The following TOR1A variants were observed in gnomAD, a reference collection of about 807,000 sequenced individuals.
TOR1A encodes torsin family 1 member A.
In TOR1A, 18 loss-of-function variants were observed where a neutral mutation model predicts 31.4. The ratio of observed to expected loss-of-function variants is 0.57; its 90% confidence interval spans 0.40 to 0.85. The LOEUF (loss-of-function observed/expected upper bound fraction) is 0.85. Ranked by LOEUF, TOR1A falls within the 40% of genes least tolerant of loss-of-function variation. The probability of loss-of-function intolerance (pLI) is 0.00; values close to 1 mark genes in which losing one functional copy is unlikely to be tolerated. For synonymous variants in TOR1A, 168 were observed against 165.9 expected (o/e 1.01, Z -0.10); for missense variants, 375 against 416.4 (o/e 0.90, Z 0.87).
rs760826255 is a variant in TOR1A, at chr9:129,822,626, C to T, written c.399G>A (p.Val133=). 10 of 1,614,076 alleles carry T rather than the reference C, an allele frequency of 6.2e-6. No individual in the cohort carries two copies. The highest frequency in any genetic ancestry group is 1.6e-4 in the Middle Eastern group (1 of 6,084). Residue 133 remains valine, a synonymous_variant, in exon 2 of 5, where the codon GTG becomes GTA. Transcript: ENST00000351698. ...AAGCATGTGGAAAGTGCAATGTGGC[C>T]ACAAACAGGTGGACATAGTCACTGT... The part of the protein sequence containing the change: ...GLNSDYVHLF[V]ATLHFPHASN...
intron 4 of TOR1A, among the ~76,000 whole-genome samples, chr9:129,814,598 T>TCTGTGACATTACAGAAG: frequency 6.6e-6 from 1 of 151,704 alleles, no homozygotes; most frequent in East Asian, 2.0e-4. Context: ...TTGTAATGCT[T>TCTGTGACATTACAGAAG]CTGTGACAGC....
chr9:129,823,590 C>A (rs2031244878), intron 1 of TOR1A: 1 of 399,458 alleles, frequency 2.5e-6, no homozygotes, highest in Non-Finnish European at 4.6e-6. Flanking sequence ...CATCCCCCAG[C>A]CTCCATCCAC....
chr9:129,817,393 A>G (rs2031066095), intron 4 of TOR1A, among the ~76,000 whole-genome samples: 1 of 152,186 alleles, frequency 6.6e-6, no homozygotes, highest in African/African-American at 2.4e-5. Flanking sequence ...AAAGAAAATC[A>G]TGTAGCTGAA....
rs760049832 is a variant in TOR1A, at chr9:129,822,734, C to T, written c.291G>A (p.Thr97=). ...TGCCTGTCCACCCGTGCAGGGAGAG[C>T]GTGAGAGGTTTCTTGGGCTTTGGGT... ...INNPKPKKPL[T]LSLHGWTGTG... The change falls in exon 2 of 5, where the codon ACG becomes ACA. Residue 97 remains threonine (T), a synonymous_variant. Transcript: ENST00000351698. The T allele has an allele frequency of 3.0e-5, 49 of 1,614,040 alleles. No individual in the cohort carries two copies. Among genetic ancestry groups the T allele is most frequent in the Admixed American group, 8.3e-5 (5 of 60,000 alleles).
chr9:129,816,369 G>T (rs990360085), intron 4 of TOR1A, among the ~76,000 whole-genome samples: 4 of 152,094 alleles, frequency 2.6e-5, no homozygotes, highest in African/African-American at 9.7e-5. Flanking sequence ...GGCCCCGGGG[G>T]GAAAGATATC....
chr9:129,820,706 T>G (rs1221983347), intron 2 of TOR1A, among the ~76,000 whole-genome samples: 1 of 152,150 alleles, frequency 6.6e-6, no homozygotes, highest in Non-Finnish European at 1.5e-5. Flanking sequence ...GCCATCCTTC[T>G]GCCTCAGCCC....
chr9:129,819,684 G>A (rs1418509041), intron 2 of TOR1A, among the ~76,000 whole-genome samples: 1 of 151,934 alleles, frequency 6.6e-6, no homozygotes, highest in African/African-American at 2.4e-5. Flanking sequence ...CATGAACCTG[G>A]GAGGCGGAGG....
intron 4 of TOR1A, among the ~76,000 whole-genome samples, chr9:129,816,798 G>A (rs2031051507): frequency 1.3e-5 from 2 of 152,330 alleles, no homozygotes; most frequent in South Asian, 4.1e-4. Context: ...GGCAAGGCAA[G>A]AAACTATCCA....
At chr9:129,814,915 C>G (rs996700725) in intron 4 of TOR1A, among the ~76,000 whole-genome samples, 2 of 152,170 alleles carry the variant, frequency 1.3e-5, no homozygotes, top group African/African-American at 4.8e-5. Flanking sequence ...CCAAAACTAG[C>G]CTGGAGAGTG....
Position 129,822,634 on chromosome 9 carries a change from G to A in TOR1A, c.391C>T (p.Leu131=). The change falls in exon 2 of 5, where the codon CTG becomes TTG. Residue 131 remains leucine (L), a synonymous_variant. Coordinates refer to ENST00000351698, the MANE Select transcript of TOR1A (RefSeq NM_000113.3). ...GGAAAGTGCAATGTGGCCACAAACA[G>A]GTGGACATAGTCACTGTTCAGACCA... The part of the protein sequence containing the change: ...EGGLNSDYVH[L]FVATLHFPHA... 1 of 1,614,196 alleles carries A rather than the reference G, an allele frequency of 6.2e-7. No individual in the cohort carries two copies. The highest frequency in any genetic ancestry group is 8.5e-7 in the Non-Finnish European group (1 of 1,180,038).
At position 129,824,076 on chromosome 9, in the gene TOR1A, C is replaced by A; in HGVS notation, c.10G>T (p.Gly4Cys). The change falls in exon 1 of 5, where the codon GGC becomes TGC. Residue 4 changes from glycine (G) to cysteine (C), a missense_variant. Gly to Cys is a radical substitution (Grantham distance 159). Coordinates refer to ENST00000351698, the MANE Select transcript of TOR1A (RefSeq NM_000113.3). ...AGCAGCAGGCCCAGCACGGCCCGGC[C>A]CAGCTTCATGCCCGGACCCGCGCCA... is the stretch of plus-strand genomic sequence containing the variant. The part of the protein sequence containing the change: MKL[G>C]RAVLGLLLLA... 6.3e-7 allele frequency: 1 copy of A among 1,586,396 alleles called. No homozygotes were observed.
intron 1 of TOR1A, among the ~76,000 whole-genome samples, chr9:129,823,131 G>C (rs555969651): frequency 6.6e-6 from 1 of 152,256 alleles, no homozygotes; most frequent in African/African-American, 2.4e-5. Context: ...CCCCTGTGCT[G>C]CTCCTCCCAC....
chr9:129,822,580 C>G lies in TOR1A; in HGVS notation c.444+1G>C. On this transcript the variant is annotated splice_donor_variant, in intron 2 of 4. Coordinates refer to ENST00000351698, the MANE Select transcript of TOR1A (RefSeq NM_000113.3). LOFTEE classifies it high-confidence loss of function. ...AAGGGATTCCAAACTTCCATCCTTG[C>G]CTTGTACAAGGTGATGTTTGAAGCA... 1 of 1,614,138 alleles carries G rather than the reference C, an allele frequency of 6.2e-7. No individual in the cohort carries two copies. Among genetic ancestry groups the G allele is most frequent in the Non-Finnish European group, 8.5e-7 (1 of 1,180,024 alleles).
chr9:129,816,543 G>C (rs2031044024), intron 4 of TOR1A, among the ~76,000 whole-genome samples: 1 of 152,116 alleles, frequency 6.6e-6, no homozygotes, highest in Admixed American at 6.5e-5. Context: ...TTCTGTGTTT[G>C]TTCACTGCTG....
At chr9:129,814,888 T>C (rs2030996725) in intron 4 of TOR1A, among the ~76,000 whole-genome samples, 2 of 152,150 alleles carry the variant, frequency 1.3e-5, no homozygotes, top group African/African-American at 4.8e-5. Flanking sequence ...GCCCAGACCC[T>C]GCAGAGCATG....
chr9:129,816,949 C>A (rs1366574976), intron 4 of TOR1A, among the ~76,000 whole-genome samples: 1 of 152,170 alleles, frequency 6.6e-6, no homozygotes, highest in Non-Finnish European at 1.5e-5. Flanking sequence ...TTGTCATCTC[C>A]AGAACCTGAA....
In TOR1A at chr9:129,823,934, C is replaced by A; in HGVS notation, c.152G>T (p.Gly51Val). ...CTCCCGGCTAAGGCTCCGCTTCTGC[C>A]CGCAGCACTCGGCGAAGAGGCAGTA... is the stretch of plus-strand genomic sequence containing the variant. The part of the protein sequence containing the change: ...RLYCLFAECC[G>V]QKRSLSREAL... Residue 51 changes from glycine (G) to valine (V), a missense_variant, in exon 1 of 5, where the codon GGG (glycine) becomes GTG (valine). Coordinates refer to ENST00000351698, the MANE Select transcript of TOR1A (RefSeq NM_000113.3). 1 of 1,609,084 alleles carries A rather than the reference C, an allele frequency of 6.2e-7. No individual in the cohort carries two copies. Among genetic ancestry groups the A allele is most frequent in the Non-Finnish European group, 8.5e-7 (1 of 1,178,652 alleles).
Position 129,818,648 on chromosome 9 carries a change from C to A in TOR1A, c.621-1G>T, listed in dbSNP as rs781152027. The A allele has an allele frequency of 6.2e-7, 1 of 1,614,088 alleles. No homozygotes were observed. Among genetic ancestry groups the A allele is most frequent in the African/African-American group, 1.3e-5 (1 of 74,932 alleles). On this transcript the variant is annotated splice_acceptor_variant, in intron 3 of 4. Transcript: ENST00000351698. LOFTEE classifies it high-confidence loss of function. ...TGTGATCCTTTCTGCTCCAGCATTG[C>A]TGCAAAACAATCCCAGTGGGTAAGG...
chr9:129,823,892 C>T lies in TOR1A; in HGVS notation c.178+16G>A. On this transcript the variant is annotated intron_variant, in intron 1 of 4. Coordinates refer to ENST00000351698, the MANE Select transcript of TOR1A (RefSeq NM_000113.3). ...CCCAGCCCCAGCCCCAGCCTCCAGC[C>T]CCCGCCCCAGCCTACCCTCCCGGCT... The T allele has an allele frequency of 6.4e-7, 1 of 1,556,244 alleles. No homozygotes were observed. Among genetic ancestry groups the T allele is most frequent in the Non-Finnish European group, 8.7e-7 (1 of 1,151,388 alleles).
Sources: allele counts gnomAD v4.1 joint callset (sites outside exome capture counted in the v4.1 genomes callset), GRCh38; gene constraint gnomAD v4.1.1; transcripts MANE v1.5; gene names NCBI Gene and HGNC (gene_info 2026-07-23, HGNC 2026-07-21).